Variants in EPHA5 observed in about 807,000 individuals in gnomAD.
EPHA5 encodes the protein EPH receptor A5.
A neutral mutation model predicts 105.0 loss-of-function variants in EPHA5; 60 were observed. The observed-to-expected ratio is 0.57, with a 90% CI of 0.46 to 0.71. EPHA5 has a LOEUF of 0.71. Among genes scored for constraint, EPHA5 ranks in the 30% least tolerant of loss-of-function variants. EPHA5 has a pLI of 0.00. For synonymous variants in EPHA5, 513 were observed against 449.1 expected (o/e 1.14, Z -1.80); for missense variants, 1,218 against 1,274.7 (o/e 0.96, Z 0.68).
intron 8 of EPHA5, among the ~76,000 whole-genome samples, chr4:65,399,412 G>A (rs1040880134): frequency 6.6e-6 from 1 of 152,188 alleles, no homozygotes; most frequent in African/African-American, 2.4e-5. Flanking sequence ...CAAGATGAGT[G>A]CAGCCTGCCA....
chr4:65,412,764 T>C (rs546081792), intron 7 of EPHA5, among the ~76,000 whole-genome samples: 117 of 152,270 alleles, frequency 7.7e-4, no homozygotes, highest in Non-Finnish European at 1.4e-3. Flanking sequence ...CTAAGTCATC[T>C]GATTGAGTTT....
intron 4 of EPHA5, among the ~76,000 whole-genome samples, chr4:65,494,089 T>C (rs1358233427): frequency 2.0e-5 from 3 of 152,144 alleles, no homozygotes; most frequent in Non-Finnish European, 4.4e-5. Context: ...AAAGAGCATA[T>C]AAAAATTGCA....
chr4:65,392,297 A>G (rs970803779), intron 8 of EPHA5, among the ~76,000 whole-genome samples: 3 of 152,166 alleles, frequency 2.0e-5, no homozygotes, highest in Admixed American at 6.6e-5. Context: ...CCAGTTTTAC[A>G]AAGTCACATC....
In EPHA5 at chr4:65,321,818, A is replaced by G. The variant is rs1287760192; in HGVS notation, c.*2296T>C. 8.8e-6 allele frequency: 2 copies of G among 227,176 alleles called. No homozygotes were observed. Among genetic ancestry groups the G allele is most frequent in the African/African-American group, 4.4e-5 (2 of 45,010 alleles). The allele number at this position is 227,176 out of a possible 1,614,324, so 14.1% of individuals were successfully genotyped here. Reference sequence around the variant, plus strand: ...AAACAATGTAGAAAATATCTTTGTTATGTCTAAGCAATTGTGGCAAGTTCA... The same window carrying G: ...AAACAATGTAGAAAATATCTTTGTTGTGTCTAAGCAATTGTGGCAAGTTCA... On this transcript the variant is annotated 3_prime_UTR_variant, in exon 17 of 17. Coordinates refer to ENST00000613740, the MANE Select transcript of EPHA5 (RefSeq NM_001281766.3).
chr4:65,580,646 C>T (rs999008212), intron 3 of EPHA5, among the ~76,000 whole-genome samples: 3 of 151,780 alleles, frequency 2.0e-5, no homozygotes, highest in Non-Finnish European at 4.4e-5. Context: ...CTGCTCTTTC[C>T]CTATTTGACT....
intron 3 of EPHA5, among the ~76,000 whole-genome samples, chr4:65,517,139 G>A (rs1041968017): frequency 6.6e-6 from 1 of 151,582 alleles, no homozygotes; most frequent in Non-Finnish European, 1.5e-5. Context: ...ATGTATTTAG[G>A]GACTTTTTAA....
intron 2 of EPHA5, among the ~76,000 whole-genome samples, chr4:65,627,745 C>T (rs1247664961): frequency 6.6e-6 from 1 of 152,134 alleles, no homozygotes; most frequent in Non-Finnish European, 1.5e-5. Flanking sequence ...CAAACCCACA[C>T]TTCAATTATT....
chr4:65,477,709 A>G (rs1387799034), intron 5 of EPHA5, among the ~76,000 whole-genome samples: 1 of 152,138 alleles, frequency 6.6e-6, no homozygotes, highest in Non-Finnish European at 1.5e-5. Flanking sequence ...CACCGTGCCC[A>G]GCCCACTTCA....
At chr4:65,598,198 A>G (rs1005568594) in intron 3 of EPHA5, among the ~76,000 whole-genome samples, 2 of 152,096 alleles carry the variant, frequency 1.3e-5, no homozygotes, top group African/African-American at 4.8e-5. Context: ...TGTAAAATTC[A>G]CTAAATTGGC....
intron 2 of EPHA5, among the ~76,000 whole-genome samples, chr4:65,608,965 A>T (rs562503022): frequency 1.3e-5 from 2 of 152,202 alleles, no homozygotes; most frequent in African/African-American, 4.8e-5. Flanking sequence ...TCATTACCTA[A>T]TGAACTAGGT....
At chr4:65,440,499 T>TACACAC (rs71657410) in intron 5 of EPHA5, among the ~76,000 whole-genome samples, 47,834 of 143,106 alleles carry the variant, frequency 0.33, 7,984 homozygotes, top group Non-Finnish European at 0.35. Context: ...TCCTAAATCT[T>TACACAC]ACACACACAC....
chr4:65,616,428 T>TAC (rs34942929), intron 2 of EPHA5, among the ~76,000 whole-genome samples: 73,095 of 143,258 alleles, frequency 0.51, 18,817 homozygotes, highest in Admixed American at 0.59. Context: ...ACTTAATGCA[T>TAC]ACACACACAC....
rs1281327793 is a variant in EPHA5 at position 65,391,472 on chromosome 4, G to C, written c.1793+12902C>G. Among the ~76,000 whole-genome samples the C allele has an allele frequency of 2.0e-5, 3 of 152,106 alleles. No homozygotes were observed. The East Asian group carries it at 5.8e-4, about 29-fold the overall frequency. On this transcript the variant is annotated intron_variant, in intron 8 of 16. Transcript: ENST00000613740. Reference sequence around the variant, plus strand: ...TTAGCTGATGTTTAAAATCATCTGAGACACTTTGATTCATTTTTCAACAAT... The same window carrying C: ...TTAGCTGATGTTTAAAATCATCTGACACACTTTGATTCATTTTTCAACAAT...
intron 8 of EPHA5, among the ~76,000 whole-genome samples, chr4:65,376,430 G>A (rs1719011338): frequency 6.6e-6 from 1 of 151,998 alleles, no homozygotes; most frequent in South Asian, 2.1e-4. Context: ...ACTGAAAAAT[G>A]TGCATATTTT....
Position 65,320,373 on chromosome 4 carries a change from T to C in EPHA5, c.*3741A>G. Reference sequence around the variant, plus strand: ...ATCAGGATCATCATCATATTGTACCTACTTTTTGCTTAATTTGAAGTTAAA... The same window carrying C: ...ATCAGGATCATCATCATATTGTACCCACTTTTTGCTTAATTTGAAGTTAAA... On this transcript the variant is annotated 3_prime_UTR_variant, in exon 17 of 17. Coordinates refer to ENST00000613740, the MANE Select transcript of EPHA5 (RefSeq NM_001281766.3). The C allele has an allele frequency of 4.3e-6, 1 of 230,366 alleles. No homozygotes were observed. The highest frequency in any genetic ancestry group is 2.2e-5 in the African/African-American group (1 of 45,254). The allele number at this position is 230,366 out of a possible 1,614,324, so 14.3% of individuals were successfully genotyped here.
intron 3 of EPHA5, among the ~76,000 whole-genome samples, chr4:65,500,111 T>C (rs1174287940): frequency 6.6e-6 from 1 of 151,438 alleles, no homozygotes. Context: ...ATTTAAGAAA[T>C]AATTATCTAG....
intron 3 of EPHA5, among the ~76,000 whole-genome samples, chr4:65,509,861 A>G (rs1733427792): frequency 6.6e-6 from 1 of 152,154 alleles, no homozygotes; most frequent in South Asian, 2.1e-4. Flanking sequence ...TTTCGATTTT[A>G]TAAGTACAAT....
intron 1 of EPHA5, among the ~76,000 whole-genome samples, chr4:65,652,315 C>G (rs183311719): frequency 2.1e-4 from 32 of 152,226 alleles, no homozygotes; most frequent in African/African-American, 7.5e-4. Context: ...TACTGTGTGA[C>G]CTTGAGGAAA....
At chr4:65,482,171 G>A (rs1349649103) in intron 5 of EPHA5, among the ~76,000 whole-genome samples, 1 of 151,860 alleles carries the variant, frequency 6.6e-6, no homozygotes, top group Non-Finnish European at 1.5e-5. Flanking sequence ...TGTGGTGGGT[G>A]CTTGTAATCC....
Sources: gnomAD v4.1 joint callset for allele counts (sites outside exome capture counted in the v4.1 genomes callset) on GRCh38, gnomAD v4.1.1 for gene constraint, MANE v1.5 for transcripts, NCBI Gene and HGNC (gene_info 2026-07-23, HGNC 2026-07-21) for gene names.